ENDOD1: variants seen among roughly 807,000 people sequenced by gnomAD.
ENDOD1 encodes endonuclease domain containing 1, also known as endonuclease domain-containing 1 protein.
ENDOD1 carries 9 observed loss-of-function variants against 6.5 expected under a neutral mutation model. That is an observed-to-expected ratio of 1.39 (90% CI 0.84 to 2.43). The LOEUF is 2.43. ENDOD1 is among the 30% of genes most tolerant of loss of function. The pLI is 0.00. For synonymous variants in ENDOD1, 255 were observed against 255.2 expected (o/e 1.00, Z 0.01); for missense variants, 648 against 635.5 (o/e 1.02, Z -0.21).
At chr11:95,094,176 AT>A (rs1858958848) in intron 1 of ENDOD1, among the ~76,000 whole-genome samples, 1 of 149,280 alleles carries the variant, frequency 6.7e-6, no homozygotes, top group Non-Finnish European at 1.5e-5. Context: ...TAATTTATAT[AT>A]TCAGTAACAA....
intron 1 of ENDOD1, among the ~76,000 whole-genome samples, chr11:95,103,139 TTCCTC>T (rs1859058090): frequency 7.4e-6 from 1 of 135,840 alleles, no homozygotes; most frequent in African/African-American, 2.8e-5. Flanking sequence ...GTGTGTGTGT[TTCCTC>T]TCAGTGAGTC....
rs756587180 is a variant in ENDOD1 at position 95,129,606 on chromosome 11, A to G, written c.*27A>G. 1.9e-6 allele frequency: 3 copies of G among 1,579,922 alleles called. No individual in the cohort carries two copies. Among genetic ancestry groups the G allele is most frequent in the Non-Finnish European group, 2.6e-6 (3 of 1,161,734 alleles). ...CTCAAAAAACTAATAGTATCCAGTC[A>G]CAGTGAATTTGAAAGCTGGAATAGT... On this transcript the variant is annotated 3_prime_UTR_variant, in exon 2 of 2. Coordinates refer to ENST00000278505, the MANE Select transcript of ENDOD1 (RefSeq NM_015036.3).
chr11:95,124,006 A>G (rs1218216875), intron 1 of ENDOD1, among the ~76,000 whole-genome samples: 1 of 152,188 alleles, frequency 6.6e-6, no homozygotes, highest in Non-Finnish European at 1.5e-5. Flanking sequence ...GAAATTGCAA[A>G]GTACTTAACT....
intron 1 of ENDOD1, among the ~76,000 whole-genome samples, chr11:95,119,090 T>C (rs1859238402): frequency 6.6e-6 from 1 of 152,238 alleles, no homozygotes; most frequent in Non-Finnish European, 1.5e-5. Context: ...ATGAATTTCT[T>C]TGAGTTTCCT....
At chr11:95,119,229 G>A (rs1264738300) in intron 1 of ENDOD1, among the ~76,000 whole-genome samples, 1 of 152,190 alleles carries the variant, frequency 6.6e-6, no homozygotes, top group South Asian at 2.1e-4. Flanking sequence ...ACTTGTAGAT[G>A]TTTGTCTGTG....
chr11:95,095,345 A>G (rs937427465), intron 1 of ENDOD1, among the ~76,000 whole-genome samples: 24 of 152,406 alleles, frequency 1.6e-4, no homozygotes, highest in African/African-American at 5.8e-4. Flanking sequence ...GTGTGTTGTC[A>G]GAAAACAGTG....
Position 95,089,846 on chromosome 11 carries a change from G to T in ENDOD1, c.-82G>T, listed in dbSNP as rs1197205038. 1.6e-6 allele frequency: 2 copies of T among 1,248,724 alleles called. No individual in the cohort carries two copies. The highest frequency in any genetic ancestry group is 6.0e-4 in the Middle Eastern group (2 of 3,334). The allele number at this position is 1,248,724 out of a possible 1,614,324, so 77.4% of individuals were successfully genotyped here. On this transcript the variant is annotated 5_prime_UTR_variant, in exon 1 of 2. Coordinates refer to ENST00000278505, the MANE Select transcript of ENDOD1 (RefSeq NM_015036.3). ...TCCCTTCCCTACCCTGCTCGGCTGC[G>T]TAGTGCGCTCCCCGCCCAGCCTGCA...
chr11:95,091,196 C>A (rs1237331649), intron 1 of ENDOD1, among the ~76,000 whole-genome samples: 8 of 152,214 alleles, frequency 5.3e-5, no homozygotes, highest in Non-Finnish European at 1.0e-4. Flanking sequence ...CAGCCTCCCA[C>A]CCCTGCCCAG....
intron 1 of ENDOD1, among the ~76,000 whole-genome samples, chr11:95,104,192 G>A (rs1293219062): frequency 6.6e-6 from 1 of 152,196 alleles, no homozygotes; most frequent in African/African-American, 2.4e-5. Context: ...CCTCACACAT[G>A]TAATCCCAGG....
At chr11:95,116,449 T>C (rs1459778345) in intron 1 of ENDOD1, among the ~76,000 whole-genome samples, 1 of 152,228 alleles carries the variant, frequency 6.6e-6, no homozygotes, top group Non-Finnish European at 1.5e-5. Context: ...AACTTTTTGT[T>C]TCATTGATCT....
intron 1 of ENDOD1, among the ~76,000 whole-genome samples, chr11:95,090,923 G>A (rs1271628494): frequency 1.3e-5 from 2 of 152,074 alleles, no homozygotes; most frequent in Non-Finnish European, 2.9e-5. Flanking sequence ...AAACGCAATG[G>A]GGTAGTTAAA....
At position 95,131,057 on chromosome 11, in the gene ENDOD1, T is replaced by C. The variant is rs955495295; in HGVS notation, c.*1478T>C. The C allele has an allele frequency of 2.0e-5, 3 of 152,184 alleles. No homozygotes were observed. The highest frequency in any genetic ancestry group is 7.2e-5 in the African/African-American group (3 of 41,448). 9.4% of individuals were successfully genotyped at this position (152,184 alleles called of 1,614,324 possible). A position where few individuals can be genotyped will look rare whatever the true frequency, so the allele number is the denominator to read the frequency against. The stretch of plus-strand genomic sequence containing the variant: ...ATGTCAACCATTTGCATGGGGTCGA[T>C]GGATGAGAAACATGAGCGTAGCAAG... On this transcript the variant is annotated 3_prime_UTR_variant, in exon 2 of 2. Coordinates refer to ENST00000278505, the MANE Select transcript of ENDOD1 (RefSeq NM_015036.3).
rs963853049 is a variant in ENDOD1 at position 95,127,847 on chromosome 11, C to T, written c.301-530C>T. Among the ~76,000 whole-genome samples the T allele has an allele frequency of 3.3e-5, 5 of 152,074 alleles. No homozygotes were observed. The East Asian group carries it at 7.7e-4, about 23-fold the overall frequency. ...CAATCTCAGCTCACTGCAACCTCTG[C>T]CTCCCCGGTTCAAGTGATTCTCCTG... On this transcript the variant is annotated intron_variant, in intron 1 of 1. Transcript: ENST00000278505.
intron 1 of ENDOD1, among the ~76,000 whole-genome samples, chr11:95,106,661 C>G (rs143228823): frequency 3.9e-5 from 6 of 152,244 alleles, no homozygotes; most frequent in Non-Finnish European, 8.8e-5. Context: ...GTGGAGGATC[C>G]AAAGGACCCA....
chr11:95,098,637 G>C (rs1859009046), intron 1 of ENDOD1, among the ~76,000 whole-genome samples: 1 of 152,050 alleles, frequency 6.6e-6, no homozygotes, highest in African/African-American at 2.4e-5. Context: ...TGACCTTCAA[G>C]TAAGTACAGT....
At position 95,128,265 on chromosome 11, in the gene ENDOD1, G is replaced by T. The variant is rs111622269; in HGVS notation, c.301-112G>T. 417 of 1,277,902 alleles carry T rather than the reference G, an allele frequency of 3.3e-4. No homozygotes were observed. In the African/African-American group the frequency reaches 4.9e-3, roughly 15 times the overall value. The allele number at this position is 1,277,902 out of a possible 1,614,324, so 79.2% of individuals were successfully genotyped here. ...GAACCAAGTCCTTCCAAACTCAAGC[G>T]TTTGAAGTAATAGACCAGTGGGGAC... On this transcript the variant is annotated intron_variant, in intron 1 of 1. Coordinates refer to ENST00000278505, the MANE Select transcript of ENDOD1 (RefSeq NM_015036.3).
chr11:95,090,180 C>T lies in ENDOD1; in HGVS notation c.253C>T (p.Arg85Cys). ...CGTGTACTCCGCGTTCCGCGCCCCG[C>T]GCCCTGCGCCCGGCGGCGCCGAGCA... ...IPVYSAFRAP[R>C]PAPGGAEQRW... The change falls in exon 1 of 2, where the codon CGC (arginine) becomes TGC (cysteine). Residue 85 changes from arginine to cysteine, a missense_variant. Transcript: ENST00000278505. 1.4e-6 allele frequency: 2 copies of T among 1,425,328 alleles called. No individual in the cohort carries two copies. Among genetic ancestry groups the T allele is most frequent in the Non-Finnish European group, 1.9e-6 (2 of 1,073,122 alleles). The allele number at this position is 1,425,328 out of a possible 1,614,324, so 88.3% of individuals were successfully genotyped here.
intron 1 of ENDOD1, among the ~76,000 whole-genome samples, chr11:95,093,267 A>G (rs1374357540): frequency 6.6e-6 from 1 of 152,174 alleles, no homozygotes; most frequent in Non-Finnish European, 1.5e-5. Flanking sequence ...TTTATGTTCT[A>G]GCATTATCCA....
intron 1 of ENDOD1, among the ~76,000 whole-genome samples, chr11:95,127,825 T>G (rs970876091): frequency 2.0e-5 from 3 of 151,984 alleles, no homozygotes; most frequent in Non-Finnish European, 4.4e-5. Flanking sequence ...AATGGTGCAA[T>G]CTCAGCTCAC....
Sources: gnomAD v4.1 joint callset for allele counts (sites outside exome capture counted in the v4.1 genomes callset) on GRCh38, gnomAD v4.1.1 for gene constraint, MANE v1.5 for transcripts, NCBI Gene and HGNC (gene_info 2026-07-23, HGNC 2026-07-21) for gene names.